OR7C1: variants seen among roughly 807,000 people sequenced by gnomAD.
OR7C1 encodes olfactory receptor 7C1.
For missense variants in OR7C1, 324 were observed against 383.3 expected, an observed-to-expected ratio of 0.85 and a Z score of 1.29; for synonymous variants, 152 against 160.7, an observed-to-expected ratio of 0.95 and a Z score of 0.41.
At chr19:14,805,112 C>T (rs1187804224) in intron 2 of OR7C1, among the ~76,000 whole-genome samples, 5 of 151,820 alleles carry the variant, frequency 3.3e-5, no homozygotes, top group African/African-American at 1.2e-4. Flanking sequence ...TGTATATGGC[C>T]TCAATGTTTG....
intron 1 of OR7C1, among the ~76,000 whole-genome samples, chr19:14,820,570 A>G (rs533502943): frequency 6.6e-6 from 1 of 152,058 alleles, no homozygotes; most frequent in Non-Finnish European, 1.5e-5. Context: ...AAAAAAAATC[A>G]CACAGGAAAA....
intron 2 of OR7C1, among the ~76,000 whole-genome samples, chr19:14,802,452 G>A (rs536781923): frequency 1.3e-4 from 20 of 152,306 alleles, no homozygotes; most frequent in African/African-American, 4.1e-4. Context: ...CCTGGGAGGC[G>A]GAGGTTGCAG....
intron 1 of OR7C1, chr19:14,827,488 A>G (rs62122651): frequency 1.1e-5 from 18 of 1,614,046 alleles, no homozygotes; most frequent in South Asian, 3.3e-5. Context: ...ATTGCACCAT[A>G]AAATAAGGAG....
intron 1 of OR7C1, among the ~76,000 whole-genome samples, chr19:14,814,517 G>A (rs991828849): frequency 1.3e-5 from 2 of 151,838 alleles, no homozygotes; most frequent in South Asian, 2.1e-4. Flanking sequence ...TCCACCTCCC[G>A]GGTTCAAGAG....
intron 1 of OR7C1, among the ~76,000 whole-genome samples, chr19:14,816,197 C>G (rs889697622): frequency 2.0e-5 from 3 of 151,994 alleles, no homozygotes; most frequent in African/African-American, 7.2e-5. Context: ...ACTATATACC[C>G]ACAAAAATTC....
intron 1 of OR7C1, among the ~76,000 whole-genome samples, chr19:14,812,590 A>G (rs1480101229): frequency 6.6e-6 from 1 of 151,912 alleles, no homozygotes; most frequent in Non-Finnish European, 1.5e-5. Flanking sequence ...TAAAAGGGAC[A>G]GGAATTTCTC....
At chr19:14,799,923 A>G (rs140682779) in exon 5 of OR7C1, 9 of 1,614,024 alleles carry the variant, frequency 5.6e-6, no homozygotes, top group Non-Finnish European at 7.6e-6. Context: ...GAGGTAAAAC[A>G]GAGGTCAGCA....
intron 1 of OR7C1, among the ~76,000 whole-genome samples, chr19:14,816,405 C>T (rs1387985329): frequency 6.6e-6 from 1 of 152,140 alleles, no homozygotes; most frequent in African/African-American, 2.4e-5. Flanking sequence ...TAATCAGCTG[C>T]CAGTGTGGCT....
chr19:14,817,599 A>G (rs1400195515), intron 1 of OR7C1, among the ~76,000 whole-genome samples: 1 of 152,198 alleles, frequency 6.6e-6, no homozygotes, highest in East Asian at 1.9e-4. Context: ...GTTCAGAGAG[A>G]ACGGAAGCTG....
At chr19:14,799,428 C>A (rs766326600) in exon 5 of OR7C1, 5 of 1,614,166 alleles carry the variant, frequency 3.1e-6, no homozygotes, top group Non-Finnish European at 3.4e-6. Flanking sequence ...GTGGAAAACG[C>A]TTTGTGCTTT....
intron 1 of OR7C1, among the ~76,000 whole-genome samples, chr19:14,820,802 G>A (rs1599920761): frequency 6.6e-6 from 1 of 152,306 alleles, no homozygotes; most frequent in East Asian, 1.9e-4. Flanking sequence ...GGTCTGGGGA[G>A]GTCTTTGCAT....
intron 1 of OR7C1, among the ~76,000 whole-genome samples, chr19:14,821,105 G>T (rs1252502843): frequency 1.3e-5 from 2 of 152,162 alleles, no homozygotes; most frequent in African/African-American, 4.8e-5. Context: ...GGGTGTAGTG[G>T]CAGGTGCCTG....
intron 2 of OR7C1, among the ~76,000 whole-genome samples, chr19:14,800,969 T>C (rs1212032067): frequency 6.6e-6 from 1 of 152,160 alleles, no homozygotes; most frequent in Non-Finnish European, 1.5e-5. Flanking sequence ...GAGAGAGGTG[T>C]TTCTCTTTTT....
At chr19:14,811,126 T>A (rs1245530333) in intron 1 of OR7C1, among the ~76,000 whole-genome samples, 1 of 151,962 alleles carries the variant, frequency 6.6e-6, no homozygotes, top group Admixed American at 6.5e-5. Flanking sequence ...TATGCAATAC[T>A]GACACTAATG....
intron 1 of OR7C1, among the ~76,000 whole-genome samples, chr19:14,813,734 C>T (rs1033779373): frequency 1.8e-4 from 28 of 152,054 alleles, no homozygotes; most frequent in Admixed American, 1.6e-3. Context: ...GTGCCAGACA[C>T]TTATCAAACA....
intron 2 of OR7C1, among the ~76,000 whole-genome samples, chr19:14,807,468 C>T (rs775307763): frequency 2.6e-5 from 4 of 151,894 alleles, no homozygotes; most frequent in African/African-American, 7.3e-5. Flanking sequence ...AATCCTTCCC[C>T]TCTGTTCATC....
intron 2 of OR7C1, among the ~76,000 whole-genome samples, chr19:14,803,460 G>T (rs1430224807): frequency 6.6e-6 from 1 of 151,974 alleles, no homozygotes; most frequent in Non-Finnish European, 1.5e-5. Context: ...TGTACACGTG[G>T]TTTGCAAGGA....
chr19:14,813,283 A>G (rs984098083), intron 1 of OR7C1, among the ~76,000 whole-genome samples: 2 of 151,394 alleles, frequency 1.3e-5, no homozygotes, highest in African/African-American at 4.9e-5. Flanking sequence ...TGCCAGGCGC[A>G]GTGGCTCACA....
chr19:14,799,915 G>T, exon 5 of OR7C1: 2 of 1,614,124 alleles, frequency 1.2e-6, no homozygotes, highest in East Asian at 4.5e-5. Flanking sequence ...CAGTCGTGGA[G>T]GTAAAACAGA....
Sources: allele counts gnomAD v4.1 joint callset (sites outside exome capture counted in the v4.1 genomes callset), GRCh38; gene constraint gnomAD v4.1.1; transcripts MANE v1.5; gene names NCBI Gene and HGNC (gene_info 2026-07-23, HGNC 2026-07-21).